The following SAMD12 variants were observed in gnomAD, a reference collection of about 807,000 sequenced individuals.
The protein encoded by SAMD12 is sterile alpha motif domain-containing protein 12.
SAMD12 carries 9 observed loss-of-function variants against 15.0 expected under a neutral mutation model. The observed-to-expected ratio is 0.60, with a 90% CI of 0.36 to 1.05. SAMD12 has a LOEUF of 1.05. Among genes scored for constraint, SAMD12 ranks in the 50% least tolerant of loss-of-function variants. The pLI, the probability that SAMD12 is intolerant of heterozygous loss-of-function variation, is 0.01. For synonymous variants in SAMD12, 86 were observed against 90.1 expected, an observed-to-expected ratio of 0.96 and a Z score of 0.25; for missense variants, 230 against 234.2, an observed-to-expected ratio of 0.98 and a Z score of 0.12.
intron 2 of SAMD12, among the ~76,000 whole-genome samples, chr8:118,469,347 C>T (rs984147970): frequency 3.4e-5 from 5 of 147,070 alleles, no homozygotes; most frequent in Non-Finnish European, 5.9e-5. Flanking sequence ...GTCTATTTGC[C>T]TAGCCTGTCA....
At chr8:118,482,497 G>A (rs563479446) in intron 2 of SAMD12, among the ~76,000 whole-genome samples, 1 of 152,096 alleles carries the variant, frequency 6.6e-6, no homozygotes, top group East Asian at 1.9e-4. Context: ...TACTAAGTAT[G>A]TACAGACTTT....
the SAMD12 span, among the ~76,000 whole-genome samples, chr8:118,164,811 G>A: frequency 1.3e-5 from 2 of 149,064 alleles, no homozygotes; most frequent in East Asian, 2.0e-4. Flanking sequence ...GTCTCTCTCT[G>A]TATATATATA....
At chr8:118,165,609 T>TAC in the SAMD12 span, among the ~76,000 whole-genome samples, 4 of 16,610 alleles carry the variant, frequency 2.4e-4, no homozygotes. Flanking sequence ...TATACATATA[T>TAC]ATATGTATAT....
intron 4 of SAMD12, among the ~76,000 whole-genome samples, chr8:118,255,400 A>T (rs945933016): frequency 2.7e-4 from 41 of 151,832 alleles, no homozygotes; most frequent in Non-Finnish European, 1.3e-4. Context: ...CATGTGCACA[A>T]CGTGCAGGTT....
At chr8:118,287,379 C>G (rs1451614417) in intron 4 of SAMD12, among the ~76,000 whole-genome samples, 1 of 152,058 alleles carries the variant, frequency 6.6e-6, no homozygotes, top group African/African-American at 2.4e-5. Flanking sequence ...CCCGCCTCGG[C>G]CTCCCAAAGG....
intron 3 of SAMD12, among the ~76,000 whole-genome samples, chr8:118,435,503 A>C (rs543893388): frequency 1.3e-5 from 2 of 152,324 alleles, no homozygotes; most frequent in African/African-American, 4.8e-5. Flanking sequence ...CTGATTAAAC[A>C]CATCTGCCAC....
At chr8:118,310,189 C>CA (rs1337159080) in intron 4 of SAMD12, among the ~76,000 whole-genome samples, 5 of 152,134 alleles carry the variant, frequency 3.3e-5, no homozygotes, top group African/African-American at 1.2e-4. Flanking sequence ...TCTAATCACA[C>CA]AAAAAAATCA....
chr8:118,324,434 C>A (rs1012792089), intron 4 of SAMD12, among the ~76,000 whole-genome samples: 1 of 152,126 alleles, frequency 6.6e-6, no homozygotes, highest in African/African-American at 2.4e-5. Flanking sequence ...ACCTGGAGGG[C>A]AAACGAGTGC....
At chr8:118,494,613 C>T (rs1182594371) in intron 2 of SAMD12, among the ~76,000 whole-genome samples, 1 of 152,188 alleles carries the variant, frequency 6.6e-6, no homozygotes, top group Non-Finnish European at 1.5e-5. Flanking sequence ...CAGTCCCAAA[C>T]ACCTTCCTCT....
intron 4 of SAMD12, among the ~76,000 whole-genome samples, chr8:118,217,837 T>C (rs1328618387): frequency 6.6e-6 from 1 of 152,182 alleles, no homozygotes; most frequent in Non-Finnish European, 1.5e-5. Context: ...AAATCAGCTC[T>C]CCCGATTTTT....
At chr8:118,194,849 T>C (rs1357199598) in exon 5 of SAMD12, 1 of 152,166 alleles carries the variant, frequency 6.6e-6, no homozygotes, top group Non-Finnish European at 1.5e-5. Context: ...AATGAAGTCA[T>C]TCCTCTTTTT....
chr8:118,260,632 A>C (rs937827133), intron 4 of SAMD12, among the ~76,000 whole-genome samples: 3 of 152,016 alleles, frequency 2.0e-5, no homozygotes, highest in African/African-American at 7.2e-5. Context: ...TCTACCTCCC[A>C]GTGGGGATTT....
chr8:118,319,630 C>A (rs1338864037), intron 4 of SAMD12, among the ~76,000 whole-genome samples: 1 of 152,152 alleles, frequency 6.6e-6, no homozygotes, highest in Non-Finnish European at 1.5e-5. Context: ...CCCAGGGCTA[C>A]ACATCATTTT....
At chr8:118,374,822 T>G (rs1819295858), downstream of SAMD12, among the ~76,000 whole-genome samples, 1 of 146,044 alleles carries the variant, frequency 6.8e-6, no homozygotes, top group Admixed American at 6.8e-5. Flanking sequence ...ATTATTTGGC[T>G]TGTTTTTTTT....
intron 3 of SAMD12, among the ~76,000 whole-genome samples, chr8:118,413,136 G>GAC (rs1821496009): frequency 7.6e-6 from 1 of 130,900 alleles, no homozygotes; most frequent in African/African-American, 2.8e-5. Context: ...CTGCCTCACA[G>GAC]ACAAGTGACG....
Position 118,335,515 on chromosome 8 carries a change from G to A in SAMD12, c.433+44045C>T, listed in dbSNP as rs117805270. ...GAACTACTGATTCTCCCACAACCTG[G>A]TGTGACACACTAAATGCTTTCCCCT... is the stretch of plus-strand genomic sequence containing the variant. On this transcript the variant is annotated intron_variant, in intron 4 of 4. Transcript: ENST00000409003. Among the ~76,000 whole-genome samples, 459 of 152,240 alleles carry A rather than the reference G, an allele frequency of 3.0e-3. 1 individual carries two copies. The highest frequency in any genetic ancestry group is 5.1e-3 in the Non-Finnish European group (346 of 68,014).
chr8:118,511,210 T>A lies in SAMD12; in HGVS notation c.192+69505A>T, dbSNP rs887865608. Among the ~76,000 whole-genome samples the A allele has an allele frequency of 2.9e-4, 44 of 152,302 alleles. 1 individual carries two copies. The highest frequency in any genetic ancestry group is 9.4e-4 in the African/African-American group (39 of 41,572). On this transcript the variant is annotated intron_variant, in intron 2 of 3. Coordinates refer to ENST00000314727, the MANE Select transcript of SAMD12 (RefSeq NM_207506.3). ...AGCTGCAGAGATTAATTTAATTTGGTTACTTCCCTGGAAATCACTCAGAAT... is the reference window on the plus strand; with the variant it reads ...AGCTGCAGAGATTAATTTAATTTGGATACTTCCCTGGAAATCACTCAGAAT...
At chr8:118,151,302 G>A in the SAMD12 span, among the ~76,000 whole-genome samples, 1 of 151,944 alleles carries the variant, frequency 6.6e-6, no homozygotes, top group African/African-American at 2.4e-5. Context: ...AGCTTCTTGG[G>A]TGTGTAAGTT....
chr8:118,196,637 G>A (rs1013630083), exon 5 of SAMD12: 2 of 152,132 alleles, frequency 1.3e-5, no homozygotes, highest in Admixed American at 6.5e-5. Flanking sequence ...GTCACTTGAT[G>A]TTTCTCTCTT....
Sources: gnomAD v4.1 joint callset for allele counts (sites outside exome capture counted in the v4.1 genomes callset) on GRCh38, gnomAD v4.1.1 for gene constraint, MANE v1.5 for transcripts, NCBI Gene and HGNC (gene_info 2026-07-23, HGNC 2026-07-21) for gene names.